Variants in GNAQ observed in about 807,000 individuals in gnomAD.
GNAQ encodes the protein G protein subunit alpha q.
In GNAQ, 8 loss-of-function variants were observed where a neutral mutation model predicts 43.9. The observed-to-expected ratio is 0.18, with a 90% CI of 0.11 to 0.33. The LOEUF (loss-of-function observed/expected upper bound fraction) is 0.33, where lower values mean the gene tolerates loss of function less well. GNAQ is among the 10% of genes least tolerant of loss of function. The pLI is 1.00. For synonymous variants in GNAQ, 155 were observed against 170.7 expected (o/e 0.91, Z 0.71); for missense variants, 158 against 450.8 (o/e 0.35, Z 5.88).
At chr9:77,910,312 C>A (rs1828778825) in intron 2 of GNAQ, among the ~76,000 whole-genome samples, 2 of 152,164 alleles carry the variant, frequency 1.3e-5, no homozygotes. Context: ...TTGGCTCCAA[C>A]AAATATATTC....
intron 5 of GNAQ, among the ~76,000 whole-genome samples, chr9:77,771,320 G>A (rs1200398189): frequency 1.3e-5 from 2 of 152,172 alleles, no homozygotes; most frequent in African/African-American, 2.4e-5. Context: ...CCCTCATTGG[G>A]CACATCAGCC....
At chr9:77,829,950 A>G (rs1442032313) in intron 2 of GNAQ, among the ~76,000 whole-genome samples, 2 of 149,712 alleles carry the variant, frequency 1.3e-5, no homozygotes, top group East Asian at 2.0e-4. Context: ...GACATGACCA[A>G]TTTTTTTTTT....
intron 1 of GNAQ, among the ~76,000 whole-genome samples, chr9:77,979,356 C>CA (rs11417939): frequency 0.72 from 101,924 of 140,710 alleles, 36,659 homozygotes; most frequent in African/African-American, 0.81. Flanking sequence ...GACTCTGTCT[C>CA]AAAAAAAAAA....
chr9:78,030,225 T>C (rs957138728), intron 1 of GNAQ, among the ~76,000 whole-genome samples: 15 of 152,194 alleles, frequency 9.9e-5, no homozygotes, highest in South Asian at 2.1e-4. Flanking sequence ...CGGTAGTAAC[T>C]ATTGTGAACT....
chr9:77,846,886 G>C (rs1236697065), intron 2 of GNAQ, among the ~76,000 whole-genome samples: 1 of 152,150 alleles, frequency 6.6e-6, no homozygotes, highest in African/African-American at 2.4e-5. Context: ...TTACAGATGA[G>C]GAAGCTGAGG....
At chr9:77,923,667 T>C (rs1408455812) in intron 1 of GNAQ, among the ~76,000 whole-genome samples, 1 of 152,020 alleles carries the variant, frequency 6.6e-6, no homozygotes, top group African/African-American at 2.4e-5. Flanking sequence ...AAAATAAAAG[T>C]GCCAATTTGG....
Position 78,031,317 on chromosome 9 carries a change from C to T in GNAQ, c.-82G>A. The T allele has an allele frequency of 8.5e-7, 1 of 1,169,836 alleles. No individual in the cohort carries two copies. The highest frequency in any genetic ancestry group is 1.6e-5 in the African/African-American group (1 of 62,892). 72.5% of individuals were successfully genotyped at this position (1,169,836 alleles called of 1,614,324 possible). A position where few individuals can be genotyped will look rare whatever the true frequency, so the allele number is the denominator to read the frequency against. On this transcript the variant is annotated 5_prime_UTR_variant, in exon 1 of 7. Coordinates refer to ENST00000286548, the MANE Select transcript of GNAQ (RefSeq NM_002072.5). ...ACACACCCTCCCGCCCTCGCTCCCC[C>T]GAGGCAGCGGTGGCCGCCGAGCCCC... is the stretch of plus-strand genomic sequence containing the variant.
intron 2 of GNAQ, among the ~76,000 whole-genome samples, chr9:77,896,256 G>A (rs886188112): frequency 1.3e-5 from 2 of 152,150 alleles, no homozygotes; most frequent in African/African-American, 4.8e-5. Flanking sequence ...AACTTCAGTA[G>A]CTATTTCCTT....
chr9:77,841,821 A>G (rs1328524), intron 2 of GNAQ, among the ~76,000 whole-genome samples: 122,717 of 152,110 alleles, frequency 0.81, 49,707 homozygotes, highest in Admixed American at 0.86. Flanking sequence ...AAAACAAGGA[A>G]AAACTGAGTC....
intron 5 of GNAQ, among the ~76,000 whole-genome samples, chr9:77,787,814 G>A (rs1374281219): frequency 6.6e-6 from 1 of 152,216 alleles, no homozygotes; most frequent in Non-Finnish European, 1.5e-5. Context: ...TGGATGACCT[G>A]AGGTCAGGTG....
At chr9:77,949,249 T>C (rs984370603) in intron 1 of GNAQ, among the ~76,000 whole-genome samples, 4 of 152,114 alleles carry the variant, frequency 2.6e-5, no homozygotes, top group Non-Finnish European at 4.4e-5. Flanking sequence ...GAAGCAAAGA[T>C]AGCTCAGCCC....
At position 77,720,745 on chromosome 9, in the gene GNAQ, T is replaced by A. The variant is rs1825297510; in HGVS notation, c.*578A>T. The A allele has an allele frequency of 4.3e-6, 1 of 233,390 alleles. No homozygotes were observed. The highest frequency in any genetic ancestry group is 2.2e-5 in the African/African-American group (1 of 45,336). 14.5% of individuals were successfully genotyped at this position (233,390 alleles called of 1,614,324 possible). On this transcript the variant is annotated 3_prime_UTR_variant, in exon 7 of 7. Coordinates refer to ENST00000286548, the MANE Select transcript of GNAQ (RefSeq NM_002072.5). ...TATTAAAAAAGAAACTATGTGTGTA[T>A]CCAAAGCAACACATTTAAAACCGTA...
chr9:77,766,865 C>T (rs1441077472), intron 5 of GNAQ, among the ~76,000 whole-genome samples: 1 of 152,120 alleles, frequency 6.6e-6, no homozygotes, highest in East Asian at 1.9e-4. Flanking sequence ...TGTGGGACCT[C>T]TCTGGGGGTT....
At chr9:77,728,463 G>C (rs375731962) in intron 6 of GNAQ, 51 bp downstream of exon 6, 6 of 1,365,168 alleles carry the variant, frequency 4.4e-6, no homozygotes, top group Admixed American at 1.7e-5. Context: ...CTGGGGTTTG[G>C]AGACAAAACC....
chr9:77,775,191 A>C (rs1349236934), intron 5 of GNAQ, among the ~76,000 whole-genome samples: 8 of 152,108 alleles, frequency 5.3e-5, no homozygotes, highest in Admixed American at 5.2e-4. Flanking sequence ...CAATTGGATA[A>C]TTTAATTATT....
intron 2 of GNAQ, among the ~76,000 whole-genome samples, chr9:77,915,733 C>T (rs976203667): frequency 2.0e-5 from 3 of 152,174 alleles, no homozygotes; most frequent in Non-Finnish European, 4.4e-5. Context: ...TCGTATATAA[C>T]TAAGTCACTA....
At chr9:77,990,446 T>G (rs1823494566) in intron 1 of GNAQ, among the ~76,000 whole-genome samples, 1 of 152,146 alleles carries the variant, frequency 6.6e-6, no homozygotes, top group Admixed American at 6.5e-5. Context: ...AGTCCTGAAC[T>G]CCTTAGCTCA....
At chr9:77,864,582 A>G (rs775732503) in intron 2 of GNAQ, among the ~76,000 whole-genome samples, 69 of 152,300 alleles carry the variant, frequency 4.5e-4, no homozygotes, top group South Asian at 8.3e-4. Flanking sequence ...ATGGAGTAAC[A>G]GGACACAAGC....
At chr9:77,921,026 A>C (rs1828988537) in intron 2 of GNAQ, among the ~76,000 whole-genome samples, 1 of 152,202 alleles carries the variant, frequency 6.6e-6, no homozygotes, top group African/African-American at 2.4e-5. Context: ...GGAAAATGGA[A>C]ATATCCTTCA....
Sources: gnomAD v4.1 joint callset for allele counts (sites outside exome capture counted in the v4.1 genomes callset) on GRCh38, gnomAD v4.1.1 for gene constraint, MANE v1.5 for transcripts, NCBI Gene and HGNC (gene_info 2026-07-23, HGNC 2026-07-21) for gene names.